The following ASPRV1 variants were observed in gnomAD, a reference collection of about 807,000 sequenced individuals.
ASPRV1 encodes retroviral-like aspartic protease 1.
A neutral mutation model predicts 11.0 loss-of-function variants in ASPRV1; 7 were observed. The observed-to-expected ratio is 0.64, with a 90% CI of 0.36 to 1.20. The LOEUF is 1.20. ASPRV1 is among the 50% of genes most tolerant of loss of function. The pLI, the probability that ASPRV1 is intolerant of heterozygous loss-of-function variation, is 0.02. For synonymous variants in ASPRV1, 136 were observed against 138.4 expected (o/e 0.98, Z 0.12); for missense variants, 299 against 320.0 (o/e 0.93, Z 0.50).
chr2:69,948,406 C>T, the ASPRV1 span, among the ~76,000 whole-genome samples: 7 of 152,246 alleles, frequency 4.6e-5, no homozygotes, highest in Non-Finnish European at 1.0e-4. Flanking sequence ...AACGTCAATA[C>T]ATCCATTTGC....
chr2:69,992,405 A>G, the ASPRV1 span, among the ~76,000 whole-genome samples: 1 of 152,318 alleles, frequency 6.6e-6, no homozygotes, highest in Non-Finnish European at 1.5e-5. Context: ...TACCCATGGT[A>G]TATCACAGCC....
At chr2:70,030,056 T>C in the ASPRV1 span, 2 of 152,328 alleles carry the variant, frequency 1.3e-5, no homozygotes, top group African/African-American at 4.8e-5. Flanking sequence ...AATTGCTGAC[T>C]TGAAAAACTA....
chr2:69,960,602 C>G lies in ASPRV1; in HGVS notation c.*55G>C. The G allele has an allele frequency of 2.6e-6, 4 of 1,528,878 alleles. No individual in the cohort carries two copies. The Admixed American group carries it at 5.5e-5, about 21-fold the overall frequency. The allele number at this position is 1,528,878 out of a possible 1,614,324, so 94.7% of individuals were successfully genotyped here. On this transcript the variant is annotated 3_prime_UTR_variant, in exon 1 of 1. Coordinates refer to ENST00000320256, the MANE Select transcript of ASPRV1 (RefSeq NM_152792.4). ...CCCCCATGAGGATATGCAACCCCCC[C>G]CACAGCGGTGGGTCTTCCCACCAAT...
the ASPRV1 span, among the ~76,000 whole-genome samples, chr2:70,061,090 C>T: frequency 6.6e-6 from 1 of 151,862 alleles, no homozygotes; most frequent in Non-Finnish European, 1.5e-5. Flanking sequence ...ATAATGCTTA[C>T]TTGACAATTA....
chr2:69,954,202 A>C, the ASPRV1 span, among the ~76,000 whole-genome samples: 1 of 152,114 alleles, frequency 6.6e-6, no homozygotes, highest in African/African-American at 2.4e-5. Flanking sequence ...ACCACAGAAG[A>C]AGCAGGGGCT....
At position 69,961,389 on chromosome 2, in the gene ASPRV1, G is replaced by A. The variant is rs1192251779; in HGVS notation, c.48C>T (p.Ala16=). Residue 16 remains alanine, a synonymous_variant, in exon 1 of 1, where the codon GCC becomes GCT. Coordinates refer to ENST00000320256, the MANE Select transcript of ASPRV1 (RefSeq NM_152792.4). ...CCCCATCAAAAGGTTCCGGGACGAA[G>A]GCATGCTGCCGGCGGCCTTCCTCAC... is the stretch of plus-strand genomic sequence containing the variant. The part of the protein sequence containing the change: ...ARSEEGRRQH[A]FVPEPFDGAN... 6 of 1,614,158 alleles carry A rather than the reference G, an allele frequency of 3.7e-6. No individual in the cohort carries two copies. Among genetic ancestry groups the A allele is most frequent in the Non-Finnish European group, 3.4e-6 (4 of 1,180,032 alleles).
At chr2:69,954,547 T>C in the ASPRV1 span, among the ~76,000 whole-genome samples, 1 of 152,196 alleles carries the variant, frequency 6.6e-6, no homozygotes, top group African/African-American at 2.4e-5. Flanking sequence ...CCTGGTCTCC[T>C]GGAGTTTCCT....
the ASPRV1 span, among the ~76,000 whole-genome samples, chr2:70,005,892 C>G: frequency 6.6e-6 from 1 of 152,246 alleles, no homozygotes; most frequent in Non-Finnish European, 1.5e-5. Context: ...ACCCCTCAGC[C>G]CCTGTTTACA....
the ASPRV1 span, chr2:70,053,739 T>TCA: frequency 7.0e-6 from 1 of 142,146 alleles, no homozygotes; most frequent in Non-Finnish European, 1.5e-5. Flanking sequence ...ACCTGTGCTT[T>TCA]CAGCAGGAAA....
At chr2:69,963,179 G>A (rs1299987055), upstream of ASPRV1, 2 of 436,318 alleles carry the variant, frequency 4.6e-6, no homozygotes, top group Admixed American at 2.5e-5. Flanking sequence ...TGAGCCAGCA[G>A]AGAGGCAGTT....
chr2:69,982,291 T>TAA, the ASPRV1 span, among the ~76,000 whole-genome samples: 3,703 of 129,296 alleles, frequency 0.029, 162 homozygotes, highest in African/African-American at 0.095. Flanking sequence ...TCATCCCTAC[T>TAA]AAAAAAAAAA....
downstream of ASPRV1, among the ~76,000 whole-genome samples, chr2:69,958,640 G>A (rs1020413176): frequency 6.6e-6 from 1 of 152,114 alleles, no homozygotes; most frequent in Admixed American, 6.5e-5. Flanking sequence ...AGGACCTGGA[G>A]GAAAATAAGT....
downstream of ASPRV1, among the ~76,000 whole-genome samples, chr2:69,955,352 A>T (rs1221585161): frequency 6.6e-6 from 1 of 152,162 alleles, no homozygotes; most frequent in Non-Finnish European, 1.5e-5. Context: ...ACACACCTTG[A>T]CACTGGCCCT....
At chr2:70,086,602 A>G in the ASPRV1 span, 1 of 152,276 alleles carries the variant, frequency 6.6e-6, no homozygotes, top group Admixed American at 6.5e-5. Flanking sequence ...AAAGCCGCAG[A>G]AACGTCCTGA....
At chr2:70,085,503 T>C in the ASPRV1 span, 1 of 152,234 alleles carries the variant, frequency 6.6e-6, no homozygotes, top group Non-Finnish European at 1.5e-5. Context: ...AGTATTTAAA[T>C]TCCAAAACCC....
chr2:70,049,404 T>G, the ASPRV1 span: 1 of 152,094 alleles, frequency 6.6e-6, no homozygotes, highest in South Asian at 2.1e-4. Flanking sequence ...CAAAAGGATA[T>G]GTGGGTGTGT....
At chr2:70,062,486 ATGGG>A in the ASPRV1 span, among the ~76,000 whole-genome samples, 1 of 152,142 alleles carries the variant, frequency 6.6e-6, no homozygotes, top group Non-Finnish European at 1.5e-5. Context: ...TCTCACCCTC[ATGGG>A]TAATTCTGAT....
At chr2:70,064,955 C>G in the ASPRV1 span, among the ~76,000 whole-genome samples, 1,629 of 152,076 alleles carry the variant, frequency 0.011, 31 homozygotes, top group African/African-American at 0.037. Context: ...TTAAGCCAGG[C>G]ATGGTGGCAC....
the ASPRV1 span, among the ~76,000 whole-genome samples, chr2:70,036,757 T>C: frequency 6.6e-6 from 1 of 152,166 alleles, no homozygotes. Flanking sequence ...AGCCTCGAAC[T>C]CCTAGGCTCA....
Sources: allele counts gnomAD v4.1 joint callset (sites outside exome capture counted in the v4.1 genomes callset), GRCh38; gene constraint gnomAD v4.1.1; transcripts MANE v1.5; gene names NCBI Gene and HGNC (gene_info 2026-07-23, HGNC 2026-07-21).